The following PRKAR2B variants were observed in gnomAD, a reference collection of about 807,000 sequenced individuals.
PRKAR2B encodes the protein protein kinase cAMP-dependent type II regulatory subunit beta.
Under a neutral mutation model 49.9 loss-of-function variants are expected in PRKAR2B, and 14 were observed. The observed-to-expected ratio is 0.28, with a 90% CI of 0.19 to 0.44. PRKAR2B has a LOEUF of 0.44. PRKAR2B is among the 20% of genes least tolerant of loss of function. The pLI is 1.00. For missense variants in PRKAR2B, 393 were observed against 537.9 expected (o/e 0.73, Z 2.67); for synonymous variants, 196 against 197.7 (o/e 0.99, Z 0.07).
rs538037786 is a variant in PRKAR2B, at chr7:107,075,677, G to A, written c.343+5361G>A. Among the ~76,000 whole-genome samples, 619 of 152,198 alleles carry A rather than the reference G, an allele frequency of 4.1e-3. 4 individuals carry two copies. The highest frequency in any genetic ancestry group is 5.6e-3 in the Non-Finnish European group (382 of 68,006). On this transcript the variant is annotated intron_variant, in intron 2 of 10. Coordinates refer to ENST00000265717, the MANE Select transcript of PRKAR2B (RefSeq NM_002736.3). ...AGCCTCCCAAAGTGCTGTGATTATA[G>A]GTGTTGGATGAGTTTAAGGAAGCCC...
At chr7:107,073,937 C>G (rs1033251528) in intron 2 of PRKAR2B, among the ~76,000 whole-genome samples, 1 of 151,922 alleles carries the variant, frequency 6.6e-6, no homozygotes, top group African/African-American at 2.4e-5. Flanking sequence ...TGGCGCGTGC[C>G]TATAGTCCCA....
intron 2 of PRKAR2B, among the ~76,000 whole-genome samples, chr7:107,105,068 G>C (rs1315545587): frequency 2.0e-5 from 3 of 152,140 alleles, no homozygotes; most frequent in Non-Finnish European, 2.9e-5. Context: ...TTACTGTCAT[G>C]GGTTGTGGGC....
intron 4 of PRKAR2B, among the ~76,000 whole-genome samples, chr7:107,138,249 A>G (rs1227144465): frequency 1.3e-5 from 2 of 152,188 alleles, no homozygotes; most frequent in Non-Finnish European, 2.9e-5. Context: ...TTTGAATGAT[A>G]ATAATGTCAG....
At chr7:107,138,014 T>A (rs931094320) in intron 4 of PRKAR2B, among the ~76,000 whole-genome samples, 3 of 152,138 alleles carry the variant, frequency 2.0e-5, no homozygotes, top group Non-Finnish European at 4.4e-5. Flanking sequence ...AGAAAATTCA[T>A]CCTGTATTGT....
intron 1 of PRKAR2B, 100 bp downstream of exon 1, chr7:107,045,314 C>G (rs1793668488): frequency 7.8e-6 from 8 of 1,028,672 alleles, no homozygotes; most frequent in Non-Finnish European, 1.1e-5. Context: ...GCACCCACCT[C>G]TCCCCGCATT....
chr7:107,077,038 G>A (rs1345855556), intron 2 of PRKAR2B, among the ~76,000 whole-genome samples: 1 of 152,102 alleles, frequency 6.6e-6, no homozygotes, highest in Non-Finnish European at 1.5e-5. Flanking sequence ...CTACTTTAAG[G>A]TTATTTGACG....
chr7:107,063,822 G>A (rs1285929556), intron 1 of PRKAR2B, among the ~76,000 whole-genome samples: 3 of 152,056 alleles, frequency 2.0e-5, no homozygotes, highest in Non-Finnish European at 4.4e-5. Flanking sequence ...GAGCTGTTTT[G>A]TTGTGACTTT....
chr7:107,055,055 A>G (rs1362882716), intron 1 of PRKAR2B, among the ~76,000 whole-genome samples: 6 of 151,906 alleles, frequency 3.9e-5, no homozygotes, highest in African/African-American at 1.5e-4. Flanking sequence ...GAGTGAGAAC[A>G]TGCGGTGTTT....
chr7:107,077,570 G>T (rs925180675), intron 2 of PRKAR2B, among the ~76,000 whole-genome samples: 1 of 152,234 alleles, frequency 6.6e-6, no homozygotes, highest in Middle Eastern at 3.2e-3. Context: ...TTGCTATGCA[G>T]TTTGCCTCTG....
At chr7:107,101,782 G>A (rs191714339) in intron 2 of PRKAR2B, among the ~76,000 whole-genome samples, 1 of 152,004 alleles carries the variant, frequency 6.6e-6, no homozygotes, top group Non-Finnish European at 1.5e-5. Flanking sequence ...AATGCCATGG[G>A]CTACCACTGT....
chr7:107,149,617 A>G (rs1404577208), intron 6 of PRKAR2B, among the ~76,000 whole-genome samples: 1 of 152,088 alleles, frequency 6.6e-6, no homozygotes, highest in Non-Finnish European at 1.5e-5. Context: ...CCACCACCTA[A>G]TACTATCCTG....
At chr7:107,149,604 G>C (rs1795947906) in intron 6 of PRKAR2B, among the ~76,000 whole-genome samples, 1 of 152,066 alleles carries the variant, frequency 6.6e-6, no homozygotes, top group East Asian at 1.9e-4. Context: ...TCTTCCAAAG[G>C]CTCCACCACC....
rs1255554218 is a variant in PRKAR2B, at chr7:107,156,995, T to C, written c.930T>C (p.Ala310=). Residue 310 remains alanine (A), a synonymous_variant, in exon 9 of 11, where the codon GCT becomes GCC. Coordinates refer to ENST00000265717, the MANE Select transcript of PRKAR2B (RefSeq NM_002736.3). The part of the protein sequence containing the change: ...GEQIIAQGDS[A]DSFFIVESGE... ...ATTGATTCCAATAGGGAGATTCGGCTGATTCTTTTTTCATTGTAGAATCTG... is the reference window on the plus strand; with the variant it reads ...ATTGATTCCAATAGGGAGATTCGGCCGATTCTTTTTTCATTGTAGAATCTG... 1 of 1,611,188 alleles carries C rather than the reference T, an allele frequency of 6.2e-7. No individual in the cohort carries two copies. The highest frequency in any genetic ancestry group is 2.2e-5 in the East Asian group (1 of 44,856).
intron 1 of PRKAR2B, among the ~76,000 whole-genome samples, chr7:107,046,478 A>G (rs1434572244): frequency 6.6e-6 from 1 of 152,254 alleles, no homozygotes; most frequent in African/African-American, 2.4e-5. Flanking sequence ...TTTCTCCAAA[A>G]GAATCCCAGA....
chr7:107,152,007 C>T (rs533773790), intron 7 of PRKAR2B, among the ~76,000 whole-genome samples: 3 of 152,302 alleles, frequency 2.0e-5, no homozygotes, highest in Non-Finnish European at 2.9e-5. Context: ...GTAAGATTTC[C>T]TCTCAGATGT....
intron 4 of PRKAR2B, 115 bp downstream of exon 4, chr7:107,128,410 T>A: frequency 1.5e-6 from 1 of 679,688 alleles, no homozygotes; most frequent in Non-Finnish European, 2.5e-6. Flanking sequence ...CCTGGGGTGA[T>A]GGTAAAGGCC....
rs1008282680 is a variant in PRKAR2B at position 107,159,628 on chromosome 7, G to A, written c.*46G>A. On this transcript the variant is annotated 3_prime_UTR_variant, in exon 11 of 11. Coordinates refer to ENST00000265717, the MANE Select transcript of PRKAR2B (RefSeq NM_002736.3). ...CCTGTAGTGACAAAATTACACAGTA[G>A]TGGTTAGTCCACTGAGAATGTGTTT... 6.3e-7 allele frequency: 1 copy of A among 1,596,872 alleles called. No individual in the cohort carries two copies. The highest frequency in any genetic ancestry group is 8.6e-7 in the Non-Finnish European group (1 of 1,167,336).
At chr7:107,130,201 T>C (rs1013475742) in intron 4 of PRKAR2B, among the ~76,000 whole-genome samples, 3 of 152,272 alleles carry the variant, frequency 2.0e-5, no homozygotes, top group African/African-American at 7.2e-5. Flanking sequence ...ATTCAAGTCT[T>C]GTTAAAAGTT....
At chr7:107,046,645 G>A (rs1793701013) in intron 1 of PRKAR2B, among the ~76,000 whole-genome samples, 1 of 152,126 alleles carries the variant, frequency 6.6e-6, no homozygotes, top group African/African-American at 2.4e-5. Flanking sequence ...CCAGAAACGA[G>A]AAAGAGAAAA....
Sources: allele counts gnomAD v4.1 joint callset (sites outside exome capture counted in the v4.1 genomes callset), GRCh38; gene constraint gnomAD v4.1.1; transcripts MANE v1.5; gene names NCBI Gene and HGNC (gene_info 2026-07-23, HGNC 2026-07-21).